The following FSTL4 variants were observed in gnomAD, a reference collection of about 807,000 sequenced individuals.
FSTL4 encodes the protein follistatin like 4, also known as follistatin-related protein 4.
Under a neutral mutation model 78.2 loss-of-function variants are expected in FSTL4, and 28 were observed. The ratio of observed to expected loss-of-function variants is 0.36; its 90% CI spans 0.27 to 0.49. FSTL4 has a LOEUF of 0.49. FSTL4 is among the 20% of genes least tolerant of loss of function. The probability of loss-of-function intolerance (pLI) is 0.98; values close to 1 mark genes in which losing one functional copy is unlikely to be tolerated. For synonymous variants in FSTL4, 422 were observed against 440.5 expected (o/e 0.96, Z 0.53); for missense variants, 922 against 1,084.9 (o/e 0.85, Z 2.11).
intron 2 of FSTL4, among the ~76,000 whole-genome samples, chr5:133,577,504 G>A (rs1281784161): frequency 2.0e-5 from 3 of 152,176 alleles, no homozygotes; most frequent in African/African-American, 7.2e-5. Flanking sequence ...AAACCTTTAG[G>A]GGCTTAGATA....
the FSTL4 span, among the ~76,000 whole-genome samples, chr5:133,725,784 TTCAG>T: frequency 1.3e-5 from 2 of 152,182 alleles, no homozygotes; most frequent in Non-Finnish European, 2.9e-5. Context: ...ACTCCAAAAC[TTCAG>T]TCAGTCACAT....
At chr5:133,761,903 A>G in the FSTL4 span, among the ~76,000 whole-genome samples, 1 of 152,022 alleles carries the variant, frequency 6.6e-6, no homozygotes, top group African/African-American at 2.4e-5. Context: ...CATTTTACAC[A>G]TTGTCAGCTG....
At chr5:133,644,724 C>A in the FSTL4 span, among the ~76,000 whole-genome samples, 96 of 152,254 alleles carry the variant, frequency 6.3e-4, no homozygotes, top group Non-Finnish European at 7.8e-4. Flanking sequence ...TTTCCATTCA[C>A]CTCTCCCCCA....
rs193120092 is a variant in FSTL4 at position 133,275,001 on chromosome 5, T to A, written c.728-25425A>T. Among the ~76,000 whole-genome samples, 300 of 151,996 alleles carry A rather than the reference T, an allele frequency of 2.0e-3. 4 individuals are homozygous for A. The highest frequency in any genetic ancestry group is 6.7e-3 in the African/African-American group (278 of 41,450). On this transcript the variant is annotated intron_variant, in intron 6 of 15. Transcript: ENST00000265342. ...TTTAGGCTGGGCACAGTGGCTCATG[T>A]CTGTAATCCCAGCACTTTGGGAGGC... is the stretch of plus-strand genomic sequence containing the variant.
chr5:133,690,489 A>G, the FSTL4 span, among the ~76,000 whole-genome samples: 11,952 of 152,204 alleles, frequency 0.079, 515 homozygotes, highest in Middle Eastern at 0.16. Context: ...CTAATGGCAG[A>G]TTATAGTTAT....
chr5:133,319,957 T>C (rs1754007157), intron 4 of FSTL4, among the ~76,000 whole-genome samples: 1 of 152,340 alleles, frequency 6.6e-6, no homozygotes, highest in African/African-American at 2.4e-5. Context: ...AAAGGCAGCC[T>C]GATGCTCAGA....
chr5:133,530,550 T>C (rs115716165), intron 3 of FSTL4, among the ~76,000 whole-genome samples: 1,896 of 152,326 alleles, frequency 0.012, 22 homozygotes, highest in Admixed American at 0.02. Context: ...AGTTTCTGCC[T>C]TCAAGGAGAT....
chr5:133,207,241 CTT>C lies in FSTL4; in HGVS notation c.1716+2948_1716+2949del, dbSNP rs557463857. Among the ~76,000 whole-genome samples the C allele has an allele frequency of 5.5e-4, 83 of 152,284 alleles. 1 individual carries two copies. Among genetic ancestry groups the C allele is most frequent in the Admixed American group, 1.8e-3 (27 of 15,302 alleles). ...ATCAAGCTCTTCTATGTTAATCACT[CTT>C]GTTTTACGTATTCGTTACGTTGTTT... On this transcript the variant is annotated intron_variant, in intron 14 of 15. Coordinates refer to ENST00000265342, the MANE Select transcript of FSTL4 (RefSeq NM_015082.2).
intron 3 of FSTL4, among the ~76,000 whole-genome samples, chr5:133,470,845 A>C (rs558295956): frequency 6.6e-6 from 1 of 151,748 alleles, no homozygotes; most frequent in Non-Finnish European, 1.5e-5. Context: ...CAAAAAGTTC[A>C]ATACTCAGAT....
At chr5:133,780,434 C>G in the FSTL4 span, among the ~76,000 whole-genome samples, 1 of 136,148 alleles carries the variant, frequency 7.3e-6, no homozygotes, top group Non-Finnish European at 1.6e-5. Context: ...TACCCTGCTT[C>G]AGTTATCTTC....
the FSTL4 span, among the ~76,000 whole-genome samples, chr5:133,679,549 G>A: frequency 1.3e-5 from 2 of 152,084 alleles, no homozygotes; most frequent in African/African-American, 2.4e-5. Flanking sequence ...CATCACTTCG[G>A]GGAAGCCAAG....
chr5:133,756,922 T>C, the FSTL4 span, among the ~76,000 whole-genome samples: 67 of 152,266 alleles, frequency 4.4e-4, no homozygotes, highest in Middle Eastern at 6.8e-3. Context: ...GAATCTACCA[T>C]GTACACAGGA....
intron 7 of FSTL4, chr5:133,248,525 G>A (rs1752114001): frequency 6.6e-6 from 1 of 152,234 alleles, no homozygotes; most frequent in African/African-American, 2.4e-5. Context: ...ATCACCTCTT[G>A]TGCCAAACCT....
intron 3 of FSTL4, among the ~76,000 whole-genome samples, chr5:133,530,624 G>A (rs928616109): frequency 2.6e-5 from 4 of 152,204 alleles, no homozygotes; most frequent in Non-Finnish European, 4.4e-5. Context: ...GAACATATGA[G>A]TTTAGCTAGA....
rs375717009 is a variant in FSTL4, at chr5:133,558,456, C to T, written c.160+8730G>A. ...GTGCACCATCCAACTGCACTGACTG[C>T]GCTCAGACCCCGGCCCAGGTCTCCC... On this transcript the variant is annotated intron_variant, in intron 3 of 15. Transcript: ENST00000265342. Among the ~76,000 whole-genome samples, 15 of 152,176 alleles carry T rather than the reference C, an allele frequency of 9.9e-5. No homozygotes were observed. The South Asian group carries it at 2.7e-3, about 27-fold the overall frequency.
intron 11 of FSTL4, among the ~76,000 whole-genome samples, chr5:133,223,418 G>A (rs1319015064): frequency 1.3e-5 from 2 of 152,226 alleles, no homozygotes; most frequent in Non-Finnish European, 2.9e-5. Flanking sequence ...CAAAGAGGGA[G>A]ATTTTGTGCT....
At chr5:133,239,223 C>T (rs1751756900) in intron 7 of FSTL4, among the ~76,000 whole-genome samples, 1 of 139,896 alleles carries the variant, frequency 7.1e-6, no homozygotes, top group Admixed American at 7.0e-5. Flanking sequence ...CCTGAGCCTC[C>T]CCCACCCCCA....
chr5:133,638,891 T>C, the FSTL4 span, among the ~76,000 whole-genome samples: 3 of 151,230 alleles, frequency 2.0e-5, no homozygotes, highest in African/African-American at 7.3e-5. Flanking sequence ...GCTCCTGTCA[T>C]TAAGTATTTC....
In FSTL4 at chr5:133,377,447, A is replaced by G. The variant is rs569584794; in HGVS notation, c.409+23291T>C. ...CCATGGGGCGAGACAGGCCATTAAA[A>G]TGGAGAGCTCTGACTGAGAGGAATT... On this transcript the variant is annotated intron_variant, in intron 4 of 15. Transcript: ENST00000265342. Among the ~76,000 whole-genome samples, 10 of 150,506 alleles carry G rather than the reference A, an allele frequency of 6.6e-5. No individual in the cohort carries two copies. The South Asian group carries it at 2.1e-3, about 31-fold the overall frequency.
Sources: allele counts gnomAD v4.1 joint callset (sites outside exome capture counted in the v4.1 genomes callset), GRCh38; gene constraint gnomAD v4.1.1; transcripts MANE v1.5; gene names NCBI Gene and HGNC (gene_info 2026-07-23, HGNC 2026-07-21).